SH3GL3: variants seen among roughly 807,000 people sequenced by gnomAD.
SH3GL3 encodes endophilin-A3.
Under a neutral mutation model 47.7 loss-of-function variants are expected in SH3GL3, and 33 were observed. The observed-to-expected ratio is 0.69, with a 90% CI of 0.52 to 0.92. SH3GL3 has a LOEUF of 0.92. Ranked by LOEUF, SH3GL3 falls within the 40% of genes least tolerant of loss-of-function variation. The probability of loss-of-function intolerance (pLI) is 0.00; values close to 1 mark genes in which losing one functional copy is unlikely to be tolerated. For synonymous variants in SH3GL3, 155 were observed against 148.8 expected (o/e 1.04, Z -0.30); for missense variants, 363 against 417.8 (o/e 0.87, Z 1.14).
chr15:83,460,932 A>G (rs947673489), intron 1 of SH3GL3, among the ~76,000 whole-genome samples: 2 of 152,022 alleles, frequency 1.3e-5, no homozygotes, highest in Non-Finnish European at 1.5e-5. Flanking sequence ...AAATACAGAA[A>G]ATTAGCTGGG....
chr15:83,464,230 C>CT, intron 1 of SH3GL3, among the ~76,000 whole-genome samples: 1 of 152,162 alleles, frequency 6.6e-6, no homozygotes. Context: ...CTATTCTCTG[C>CT]TTACAACACC....
chr15:83,469,162 G>T (rs2040717577), intron 1 of SH3GL3, among the ~76,000 whole-genome samples: 1 of 152,030 alleles, frequency 6.6e-6, no homozygotes, highest in South Asian at 2.1e-4. Flanking sequence ...TGTCTGCAGG[G>T]CTATAGTAAT....
At chr15:83,484,934 T>A (rs1246248658) in intron 1 of SH3GL3, among the ~76,000 whole-genome samples, 1 of 152,224 alleles carries the variant, frequency 6.6e-6, no homozygotes, top group Non-Finnish European at 1.5e-5. Context: ...AGTTTTAAAG[T>A]CACAAGTGTT....
chr15:83,592,606 G>C (rs755953190), intron 8 of SH3GL3, among the ~76,000 whole-genome samples: 24 of 152,210 alleles, frequency 1.6e-4, no homozygotes, highest in Non-Finnish European at 2.5e-4. Flanking sequence ...GGAAGAGGTT[G>C]TATTTGGCTT....
rs770531560 is a variant in SH3GL3, at chr15:83,565,221, T to A, written c.187+15T>A. 6.2e-6 allele frequency: 9 copies of A among 1,443,590 alleles called. 1 individual carries two copies. In the South Asian group the frequency reaches 1.0e-4, roughly 17 times the overall value. 89.4% of individuals were successfully genotyped at this position (1,443,590 alleles called of 1,614,324 possible). On this transcript the variant is annotated intron_variant, in intron 3 of 8. Coordinates refer to ENST00000427482, the MANE Select transcript of SH3GL3 (RefSeq NM_003027.5). ...GCCAAATCCAGGTAAAGTTGAAATA[T>A]TCTCTTGTTCATTTGCTGTCACAGA...
chr15:83,485,508 G>T (rs946232369), intron 1 of SH3GL3, among the ~76,000 whole-genome samples: 1 of 152,014 alleles, frequency 6.6e-6, no homozygotes, highest in Admixed American at 6.6e-5. Context: ...TTTTGAGGTG[G>T]GGTCTTGCTC....
At chr15:83,529,510 A>C (rs2043570851) in intron 1 of SH3GL3, among the ~76,000 whole-genome samples, 1 of 151,922 alleles carries the variant, frequency 6.6e-6, no homozygotes, top group Non-Finnish European at 1.5e-5. Context: ...GTGGTGGTGG[A>C]CTGGGTAGAG....
At chr15:83,488,053 T>C (rs1272563491) in intron 1 of SH3GL3, 1 of 151,918 alleles carries the variant, frequency 6.6e-6, no homozygotes, top group African/African-American at 2.4e-5. Flanking sequence ...TTTTTTTTTG[T>C]ATTTTAGTAG....
intron 1 of SH3GL3, among the ~76,000 whole-genome samples, chr15:83,461,596 C>T (rs556314963): frequency 3.3e-5 from 5 of 151,646 alleles, no homozygotes; most frequent in East Asian, 3.9e-4. Flanking sequence ...AAAAACTATT[C>T]GTGAGTATTT....
chr15:83,504,604 T>C (rs751099471), intron 1 of SH3GL3, among the ~76,000 whole-genome samples: 5 of 152,208 alleles, frequency 3.3e-5, no homozygotes, highest in South Asian at 4.1e-4. Context: ...ATCCAGGAAC[T>C]GAGGCCCTCC....
At chr15:83,582,094 C>T (rs927747936) in intron 6 of SH3GL3, among the ~76,000 whole-genome samples, 3 of 152,210 alleles carry the variant, frequency 2.0e-5, no homozygotes, top group East Asian at 3.8e-4. Flanking sequence ...CCTTCATTGC[C>T]GTATCTTGGG....
At chr15:83,537,904 T>G (rs934014939) in intron 1 of SH3GL3, among the ~76,000 whole-genome samples, 2 of 152,142 alleles carry the variant, frequency 1.3e-5, no homozygotes, top group Non-Finnish European at 2.9e-5. Flanking sequence ...TATATCTATA[T>G]AGATATATGT....
chr15:83,600,628 C>G (rs1010531008), intron 8 of SH3GL3, among the ~76,000 whole-genome samples: 2 of 152,080 alleles, frequency 1.3e-5, no homozygotes, highest in African/African-American at 4.8e-5. Context: ...TAATGTGATG[C>G]CTCCAGATTT....
chr15:83,488,850 A>G (rs2041734863), intron 1 of SH3GL3, among the ~76,000 whole-genome samples: 1 of 152,198 alleles, frequency 6.6e-6, no homozygotes, highest in Admixed American at 6.5e-5. Flanking sequence ...TTTATTTTTC[A>G]TAACTCTTGC....
chr15:83,576,208 C>T (rs958687239), intron 5 of SH3GL3, among the ~76,000 whole-genome samples: 1 of 152,074 alleles, frequency 6.6e-6, no homozygotes, highest in African/African-American at 2.4e-5. Context: ...AAGAAATGTT[C>T]CTACTGTGTT....
At chr15:83,540,643 G>A (rs2044111516) in intron 1 of SH3GL3, among the ~76,000 whole-genome samples, 1 of 151,718 alleles carries the variant, frequency 6.6e-6, no homozygotes, top group African/African-American at 2.4e-5. Context: ...AATTTCTATG[G>A]GTACATAGAG....
chr15:83,483,349 T>C (rs2041454533), intron 1 of SH3GL3, among the ~76,000 whole-genome samples: 1 of 152,204 alleles, frequency 6.6e-6, no homozygotes, highest in Admixed American at 6.5e-5. Context: ...CCTGGTATGA[T>C]AGCCACTCAC....
At chr15:83,632,779 A>T in the SH3GL3 span, among the ~76,000 whole-genome samples, 1 of 152,216 alleles carries the variant, frequency 6.6e-6, no homozygotes, top group Non-Finnish European at 1.5e-5. Context: ...GGGAACTACA[A>T]TTCAAGATGA....
intron 1 of SH3GL3, among the ~76,000 whole-genome samples, chr15:83,537,910 T>C (rs187681672): frequency 6.6e-6 from 1 of 152,288 alleles, no homozygotes; most frequent in African/African-American, 2.4e-5. Context: ...TATATAGATA[T>C]ATGTAGAGAG....
Sources: allele counts gnomAD v4.1 joint callset (sites outside exome capture counted in the v4.1 genomes callset), GRCh38; gene constraint gnomAD v4.1.1; transcripts MANE v1.5; gene names NCBI Gene and HGNC (gene_info 2026-07-23, HGNC 2026-07-21).